CIBAR1: variants seen among roughly 807,000 people sequenced by gnomAD.
CIBAR1 encodes the protein CBY1-interacting BAR domain-containing protein 1.
CIBAR1 carries 25 observed loss-of-function variants against 44.0 expected under a neutral mutation model. The observed-to-expected ratio is 0.57, with a 90% CI of 0.41 to 0.79. The LOEUF (loss-of-function observed/expected upper bound fraction) is 0.79. Among genes scored for constraint, CIBAR1 ranks in the 30% least tolerant of loss-of-function variants. CIBAR1 has a pLI of 0.00. For missense variants in CIBAR1, 278 were observed against 344.8 expected, an observed-to-expected ratio of 0.81 and a Z score of 1.53; for synonymous variants, 115 against 119.0, an observed-to-expected ratio of 0.97 and a Z score of 0.22.
chr8:93,721,665 T>C (rs1811268472), intron 7 of CIBAR1, among the ~76,000 whole-genome samples: 1 of 152,212 alleles, frequency 6.6e-6, no homozygotes, highest in African/African-American at 2.4e-5. Flanking sequence ...AACAACTGTT[T>C]ATTGAGCACC....
At chr8:93,709,471 A>G (rs1031861008) in intron 5 of CIBAR1, among the ~76,000 whole-genome samples, 1 of 152,140 alleles carries the variant, frequency 6.6e-6, no homozygotes. Flanking sequence ...GTTTTACAGT[A>G]GGTTATCCAA....
rs1465636155 is a variant in CIBAR1, at chr8:93,730,016, T to C, written c.*1719T>C. 4 of 152,194 alleles carry C rather than the reference T, an allele frequency of 2.6e-5. No homozygotes were observed. Among genetic ancestry groups the C allele is most frequent in the Admixed American group, 2.6e-4 (4 of 15,282 alleles). The allele number at this position is 152,194 out of a possible 1,614,324, so 9.4% of individuals were successfully genotyped here. A position where few individuals can be genotyped will look rare whatever the true frequency, so the allele number is the denominator to read the frequency against. ...ACATTCCTAACCCAAAAATCTGAAATCTTAAATGCTGCAATGAGCATTTTC... is the reference window on the plus strand; with the variant it reads ...ACATTCCTAACCCAAAAATCTGAAACCTTAAATGCTGCAATGAGCATTTTC... On this transcript the variant is annotated 3_prime_UTR_variant, in exon 9 of 9. Coordinates refer to ENST00000518322, the MANE Select transcript of CIBAR1 (RefSeq NM_145269.5).
intron 5 of CIBAR1, among the ~76,000 whole-genome samples, chr8:93,709,223 T>TGAGCCGA (rs1204777708): frequency 6.6e-6 from 1 of 152,060 alleles, no homozygotes; most frequent in East Asian, 1.9e-4. Flanking sequence ...GAGGTTGCAG[T>TGAGCCGA]GAGCCGAGAG....
intron 1 of CIBAR1, chr8:93,700,969 C>T (rs1045510029): frequency 2.2e-6 from 3 of 1,383,872 alleles, no homozygotes; most frequent in South Asian, 3.6e-5. Flanking sequence ...CCGCGCTGCG[C>T]GGAGCAGCCG....
chr8:93,700,896 G>T (rs975513891), intron 1 of CIBAR1: 1 of 1,316,114 alleles, frequency 7.6e-7, no homozygotes, highest in Non-Finnish European at 9.6e-7. Flanking sequence ...CACGCCACCG[G>T]GTCTCGGGTC....
At chr8:93,716,916 G>A (rs561183473) in intron 6 of CIBAR1, among the ~76,000 whole-genome samples, 1 of 152,066 alleles carries the variant, frequency 6.6e-6, no homozygotes, top group African/African-American at 2.4e-5. Context: ...TTTCCTCTTT[G>A]CGAAAATGTT....
chr8:93,721,604 T>TC (rs1268673036), intron 7 of CIBAR1, among the ~76,000 whole-genome samples: 1 of 152,210 alleles, frequency 6.6e-6, no homozygotes, highest in African/African-American at 2.4e-5. Flanking sequence ...TTCAGCTTCC[T>TC]CCTTTCTAAA....
At chr8:93,714,622 C>T (rs1306353244) in intron 6 of CIBAR1, among the ~76,000 whole-genome samples, 1 of 151,672 alleles carries the variant, frequency 6.6e-6, no homozygotes, top group Admixed American at 6.6e-5. Flanking sequence ...AAAGATCAGT[C>T]AATAAGGGTT....
intron 6 of CIBAR1, among the ~76,000 whole-genome samples, chr8:93,716,433 G>T (rs1811041063): frequency 6.6e-6 from 1 of 151,646 alleles, no homozygotes; most frequent in Non-Finnish European, 1.5e-5. Flanking sequence ...AGTATCATTT[G>T]TGTTATTACT....
intron 3 of CIBAR1, among the ~76,000 whole-genome samples, chr8:93,704,201 T>C (rs1365808175): frequency 1.3e-5 from 2 of 152,184 alleles, no homozygotes; most frequent in Non-Finnish European, 2.9e-5. Flanking sequence ...GACATTATTA[T>C]GGAAACTTTA....
rs1022432144 is a variant in CIBAR1 at position 93,704,983 on chromosome 8, G to A, written c.405G>A (p.Gln135=). ...KQLTQLERTR[Q]RNPSDRHVIS... ...TAACTCAGTTAGAAAGAACACGTCA[G>A]CGAAACCCATCTGATCGACATGTTA... The change falls in exon 4 of 9, where the codon CAG becomes CAA. Residue 135 remains glutamine (Q), a synonymous_variant. Transcript: ENST00000518322. 8 of 1,612,864 alleles carry A rather than the reference G, an allele frequency of 5.0e-6. No homozygotes were observed. The highest frequency in any genetic ancestry group is 6.8e-6 in the Non-Finnish European group (8 of 1,179,312).
intron 7 of CIBAR1, chr8:93,726,109 G>T (rs1205401468): frequency 7.1e-6 from 2 of 282,324 alleles, no homozygotes; most frequent in Non-Finnish European, 1.3e-5. Context: ...GCTCTTTGAG[G>T]GTCTCAACTT....
chr8:93,728,532 A>T lies in CIBAR1; in HGVS notation c.*235A>T, dbSNP rs534457799. The T allele has an allele frequency of 3.0e-4, 96 of 321,310 alleles. No individual in the cohort carries two copies. The highest frequency in any genetic ancestry group is 8.3e-4 in the East Asian group (14 of 16,790). 19.9% of individuals were successfully genotyped at this position (321,310 alleles called of 1,614,324 possible). A position where few individuals can be genotyped will look rare whatever the true frequency, so the allele number is the denominator to read the frequency against. On this transcript the variant is annotated 3_prime_UTR_variant, in exon 9 of 9. Coordinates refer to ENST00000518322, the MANE Select transcript of CIBAR1 (RefSeq NM_145269.5). ...TTTTTGTGTAAGTGCCTTTTTTTTT[A>T]AAGATGGTGTATTTCAAAGTATTTC... is the stretch of plus-strand genomic sequence containing the variant.
Position 93,702,533 on chromosome 8 carries a change from A to G in CIBAR1, c.261+1075A>G, listed in dbSNP as rs568475577. On this transcript the variant is annotated intron_variant, in intron 2 of 8. Coordinates refer to ENST00000518322, the MANE Select transcript of CIBAR1 (RefSeq NM_145269.5). ...CAAATGGTGGAGGTCCTAATGAACA[A>G]TGACAAAAAGGTAGGCAACAAAAAG... 3.1e-5 allele frequency: 14 copies of G among 455,986 alleles called. No homozygotes were observed. In the East Asian group the frequency reaches 9.0e-4, roughly 29 times the overall value. 28.2% of individuals were successfully genotyped at this position (455,986 alleles called of 1,614,324 possible). A position where few individuals can be genotyped will look rare whatever the true frequency, so the allele number is the denominator to read the frequency against.
intron 2 of CIBAR1, chr8:93,702,086 T>G: frequency 3.9e-6 from 1 of 255,672 alleles, no homozygotes; most frequent in South Asian, 4.2e-5. Context: ...TTACTTGTAT[T>G]TATTTTCAGT....
At chr8:93,724,986 C>CT (rs879270732) in intron 7 of CIBAR1, among the ~76,000 whole-genome samples, 6 of 151,298 alleles carry the variant, frequency 4.0e-5, no homozygotes, top group East Asian at 3.9e-4. Flanking sequence ...TTCAGAGAAA[C>CT]TTTTTTTTTG....
Position 93,705,051 on chromosome 8 carries a change from A to G in CIBAR1, c.432+41A>G, listed in dbSNP as rs374548951. 4.3e-5 allele frequency: 58 copies of G among 1,334,464 alleles called. No individual in the cohort carries two copies. Among genetic ancestry groups the G allele is most frequent in the Non-Finnish European group, 5.7e-5 (53 of 928,992 alleles). 82.7% of individuals were successfully genotyped at this position (1,334,464 alleles called of 1,614,324 possible). A position where few individuals can be genotyped will look rare whatever the true frequency, so the allele number is the denominator to read the frequency against. On this transcript the variant is annotated intron_variant, in intron 4 of 8. Coordinates refer to ENST00000518322, the MANE Select transcript of CIBAR1 (RefSeq NM_145269.5). ...GGGTCTTTAAAAAAATGTTTAAGGT[A>G]TGGAGTACAAAAGTAAATGTATATA...
At chr8:93,727,173 G>T (rs1435465608) in intron 8 of CIBAR1, 2 of 1,289,184 alleles carry the variant, frequency 1.6e-6, no homozygotes, top group South Asian at 1.2e-5. Context: ...GATCTAGAGA[G>T]CTATGCCCTT....
Position 93,709,764 on chromosome 8 carries a change from T to A in CIBAR1, c.439-7T>A, listed in dbSNP as rs771861329. On this transcript the variant is annotated splice_region_variant and splice_polypyrimidine_tract_variant and intron_variant, in intron 5 of 8. Transcript: ENST00000518322. Reference sequence around the variant, plus strand: ...TTTATATCCTTGGTTGGGGAATACTTTTGTAGGCAGAAACGGAATTACAGA... The same window carrying A: ...TTTATATCCTTGGTTGGGGAATACTATTGTAGGCAGAAACGGAATTACAGA... 55 of 1,611,608 alleles carry A rather than the reference T, an allele frequency of 3.4e-5. No homozygotes were observed. The East Asian group carries it at 8.5e-4, about 25-fold the overall frequency.
Sources: gnomAD v4.1 joint callset for allele counts (sites outside exome capture counted in the v4.1 genomes callset) on GRCh38, gnomAD v4.1.1 for gene constraint, MANE v1.5 for transcripts, NCBI Gene and HGNC (gene_info 2026-07-23, HGNC 2026-07-21) for gene names.